The following ARHGEF10 variants were observed in gnomAD, a reference collection of about 807,000 sequenced individuals.
ARHGEF10 encodes the protein Rho guanine nucleotide exchange factor (GEF) 10.
Under a neutral mutation model 147.4 loss-of-function variants are expected in ARHGEF10, and 140 were observed. The observed-to-expected ratio is 0.95, with a 90% CI of 0.83 to 1.09. The LOEUF (loss-of-function observed/expected upper bound fraction) is 1.09, where lower values mean the gene tolerates loss of function less well. Among genes scored for constraint, ARHGEF10 ranks in the 50% least tolerant of loss-of-function variants. The pLI, the probability that ARHGEF10 is intolerant of heterozygous loss-of-function variation, is 0.00. For missense variants in ARHGEF10, 2,222 were observed against 1,752.7 expected, an observed-to-expected ratio of 1.27 and a Z score of -4.78; for synonymous variants, 902 against 695.8, an observed-to-expected ratio of 1.30 and a Z score of -4.67.
intron 23 of ARHGEF10, chr8:1,926,781 G>A (rs1812725911): frequency 2.7e-6 from 1 of 371,388 alleles, no homozygotes; most frequent in Non-Finnish European, 5.0e-6. Flanking sequence ...AACATTGCAT[G>A]GATTTTTTTT....
intron 10 of ARHGEF10, 146 bp downstream of exon 10, chr8:1,882,895 T>A: frequency 1.3e-6 from 1 of 769,036 alleles, no homozygotes; most frequent in Non-Finnish European, 2.2e-6. Context: ...TGGGTCTGAA[T>A]CAGCCCTGCT....
rs546317066 is a variant in ARHGEF10, at chr8:1,909,030, C to T, written c.1968-265C>T. 1.9e-4 allele frequency among the ~76,000 whole-genome samples: 29 copies of T among 152,320 alleles called. 1 individual carries two copies. In the South Asian group the frequency reaches 5.8e-3, roughly 30 times the overall value. Reference sequence around the variant, plus strand: ...AAGCACCGAGCTGCTTCCTGTTAAGCCTTTATGGAAAACCTCGGAGCTTCC... The same window carrying T: ...AAGCACCGAGCTGCTTCCTGTTAAGTCTTTATGGAAAACCTCGGAGCTTCC... On this transcript the variant is annotated intron_variant, in intron 17 of 28. Transcript: ENST00000349830.
chr8:1,864,353 CAT>C lies in ARHGEF10; in HGVS notation c.482-17_482-16del, dbSNP rs750693369. 4.3e-6 allele frequency: 7 copies of C among 1,613,526 alleles called. No homozygotes were observed. In the African/African-American group the frequency reaches 9.3e-5, roughly 22 times the overall value. On this transcript the variant is annotated intron_variant, in intron 4 of 28. Transcript: ENST00000349830. ...TTTTGTCAGGCGTAAAGCAGCATCA[CAT>C]ATTTTCTTTCCCAGCAGAAACACCA...
intron 1 of ARHGEF10, among the ~76,000 whole-genome samples, chr8:1,838,031 G>T (rs1186087966): frequency 6.6e-6 from 1 of 152,198 alleles, no homozygotes; most frequent in Non-Finnish European, 1.5e-5. Flanking sequence ...CTCCTCCATA[G>T]AGTTCAGGGC....
intron 27 of ARHGEF10, among the ~76,000 whole-genome samples, chr8:1,951,438 T>C (rs996325186): frequency 1.2e-4 from 19 of 152,228 alleles, no homozygotes; most frequent in Non-Finnish European, 2.5e-4. Context: ...ATTATTGAGC[T>C]TTTAAAAATA....
chr8:1,906,623 A>G (rs1810915364), intron 17 of ARHGEF10, among the ~76,000 whole-genome samples: 1 of 152,180 alleles, frequency 6.6e-6, no homozygotes, highest in Non-Finnish European at 1.5e-5. Flanking sequence ...GTCAGCGCTC[A>G]GGAGTCGGAC....
In ARHGEF10 at chr8:1,896,468, C is replaced by A. The variant is rs998748143; in HGVS notation, c.1557+19C>A. 6.6e-7 allele frequency: 1 copy of A among 1,512,166 alleles called. No homozygotes were observed. Among genetic ancestry groups the A allele is most frequent in the Non-Finnish European group, 9.2e-7 (1 of 1,090,602 alleles). The allele number at this position is 1,512,166 out of a possible 1,614,324, so 93.7% of individuals were successfully genotyped here. A position where few individuals can be genotyped will look rare whatever the true frequency, so the allele number is the denominator to read the frequency against. ...TTTAAAGGTAAGCGCTTTTTTTTTTCATTTGGGTTTTAACACCATCTGATA... is the reference window on the plus strand; with the variant it reads ...TTTAAAGGTAAGCGCTTTTTTTTTTAATTTGGGTTTTAACACCATCTGATA... On this transcript the variant is annotated intron_variant, in intron 14 of 28. Coordinates refer to ENST00000349830, the MANE Select transcript of ARHGEF10 (RefSeq NM_014629.4).
At chr8:1,953,766 G>A (rs1040276231) in intron 28 of ARHGEF10, among the ~76,000 whole-genome samples, 4 of 152,152 alleles carry the variant, frequency 2.6e-5, no homozygotes, top group Non-Finnish European at 5.9e-5. Flanking sequence ...GCAGTGACGC[G>A]GAAAACTCCT....
intron 4 of ARHGEF10, among the ~76,000 whole-genome samples, chr8:1,862,142 T>A (rs982070913): frequency 2.6e-5 from 4 of 152,178 alleles, no homozygotes; most frequent in African/African-American, 7.2e-5. Context: ...GTGGATTTGG[T>A]GTTAGGCCCG....
chr8:1,917,357 T>C (rs1811835302), intron 18 of ARHGEF10, among the ~76,000 whole-genome samples: 1 of 152,228 alleles, frequency 6.6e-6, no homozygotes, highest in African/African-American at 2.4e-5. Context: ...TTTTAACGCC[T>C]TCTGGCTCTG....
chr8:1,841,550 C>T (rs911913801), intron 1 of ARHGEF10, among the ~76,000 whole-genome samples: 3 of 152,146 alleles, frequency 2.0e-5, no homozygotes, highest in Non-Finnish European at 4.4e-5. Flanking sequence ...CTACCGGGGG[C>T]CACAGTGGGC....
At chr8:1,866,458 G>T in intron 5 of ARHGEF10, 68 bp from the exon 6 acceptor site, 1 of 1,303,894 alleles carries the variant, frequency 7.7e-7, no homozygotes, top group Non-Finnish European at 1.1e-6. Context: ...CACTCTGCAG[G>T]GCAGTTGGCA....
At chr8:1,873,334 A>G (rs1039973379) in intron 7 of ARHGEF10, among the ~76,000 whole-genome samples, 1 of 152,214 alleles carries the variant, frequency 6.6e-6, no homozygotes, top group African/African-American at 2.4e-5. Flanking sequence ...AGGAAATTAT[A>G]TGTGTGTATG....
At chr8:1,866,505 T>C (rs1051191827) in intron 5 of ARHGEF10, 21 bp from the exon 6 acceptor site, 1 of 1,611,418 alleles carries the variant, frequency 6.2e-7, no homozygotes, top group African/African-American at 1.3e-5. Flanking sequence ...TATTCTGACT[T>C]TATGGTTTGT....
At chr8:1,869,382 G>A (rs774370376) in intron 7 of ARHGEF10, 132 bp downstream of exon 7, 21 of 784,852 alleles carry the variant, frequency 2.7e-5, no homozygotes, top group Non-Finnish European at 3.8e-5. Context: ...TTCTAGAATG[G>A]CTTATTGATG....
intron 7 of ARHGEF10, among the ~76,000 whole-genome samples, chr8:1,873,450 A>C (rs1466748317): frequency 2.0e-5 from 3 of 151,648 alleles, no homozygotes; most frequent in Non-Finnish European, 4.4e-5. Context: ...GGGGTAGTGC[A>C]CCCGCATTTC....
At chr8:1,845,758 C>T (rs1563167499) in intron 2 of ARHGEF10, among the ~76,000 whole-genome samples, 1 of 152,214 alleles carries the variant, frequency 6.6e-6, no homozygotes, top group East Asian at 1.9e-4. Context: ...CCCATCCACC[C>T]ATGGTCTCCA....
chr8:1,880,166 T>TA lies in ARHGEF10; in HGVS notation c.960+3dup. ...CTCAGGCAGAAGCATGAACTGAAGGTAGAGTCTTGCCCCCGGCCGCTGCCC... is the reference window on the plus strand; with the variant it reads ...CTCAGGCAGAAGCATGAACTGAAGGTAAGAGTCTTGCCCCCGGCCGCTGCCC... On this transcript the variant is annotated splice_region_variant and intron_variant, in intron 9 of 28. Transcript: ENST00000349830. The TA allele has an allele frequency of 6.2e-7, 1 of 1,608,634 alleles. No individual in the cohort carries two copies.
chr8:1,901,408 G>T (rs1237286268), intron 15 of ARHGEF10, among the ~76,000 whole-genome samples: 1 of 152,166 alleles, frequency 6.6e-6, no homozygotes, highest in Non-Finnish European at 1.5e-5. Flanking sequence ...AGCCACAGCT[G>T]TCCCCTGGCT....
Sources: allele counts gnomAD v4.1 joint callset (sites outside exome capture counted in the v4.1 genomes callset), GRCh38; gene constraint gnomAD v4.1.1; transcripts MANE v1.5; gene names NCBI Gene and HGNC (gene_info 2026-07-23, HGNC 2026-07-21).